Variants in PGCKA1 observed in about 807,000 individuals in gnomAD.
PGCKA1 encodes PDCD10 and GCKIII kinases-associated protein 1.
the PGCKA1 span, among the ~76,000 whole-genome samples, chr4:37,555,048 T>C: frequency 6.6e-6 from 1 of 152,214 alleles, no homozygotes; most frequent in Non-Finnish European, 1.5e-5. Context: ...TCTCATCTTT[T>C]AGATCCCAGT....
At chr4:37,593,332 A>G in the PGCKA1 span, among the ~76,000 whole-genome samples, 1 of 151,298 alleles carries the variant, frequency 6.6e-6, no homozygotes, top group East Asian at 1.9e-4. Context: ...TGGCCCGTGT[A>G]TCAATGACCC....
chr4:37,510,551 C>G, the PGCKA1 span, among the ~76,000 whole-genome samples: 1 of 152,076 alleles, frequency 6.6e-6, no homozygotes, highest in Non-Finnish European at 1.5e-5. Flanking sequence ...TACTTTCTCC[C>G]AAACAAATGG....
chr4:37,545,790 C>T, the PGCKA1 span, among the ~76,000 whole-genome samples: 1 of 152,226 alleles, frequency 6.6e-6, no homozygotes, highest in African/African-American at 2.4e-5. Flanking sequence ...CTCCTGCCAA[C>T]TGTCTCATTT....
At chr4:37,557,316 A>G in the PGCKA1 span, among the ~76,000 whole-genome samples, 4 of 152,216 alleles carry the variant, frequency 2.6e-5, no homozygotes, top group African/African-American at 9.7e-5. Context: ...CCATCAGAGA[A>G]GAGGCACATT....
At chr4:37,502,426 T>G in the PGCKA1 span, among the ~76,000 whole-genome samples, 1 of 152,088 alleles carries the variant, frequency 6.6e-6, no homozygotes, top group Non-Finnish European at 1.5e-5. Context: ...TGCAGGTCTG[T>G]GTGTGCCCTC....
the PGCKA1 span, among the ~76,000 whole-genome samples, chr4:37,511,775 T>C: frequency 6.6e-6 from 1 of 152,134 alleles, no homozygotes; most frequent in East Asian, 1.9e-4. Context: ...ACTAGTTGGG[T>C]AGGGTACTGG....
the PGCKA1 span, among the ~76,000 whole-genome samples, chr4:37,583,677 TA>T: frequency 6.6e-6 from 1 of 152,116 alleles, no homozygotes; most frequent in South Asian, 2.1e-4. Context: ...GACCTCGTGA[TA>T]GCCTGGCCTT....
At chr4:37,572,257 G>T in the PGCKA1 span, among the ~76,000 whole-genome samples, 1 of 150,932 alleles carries the variant, frequency 6.6e-6, no homozygotes, top group African/African-American at 2.4e-5. Context: ...TAGTAGAGAT[G>T]GGGTTTCACC....
At chr4:37,565,294 CA>C in the PGCKA1 span, among the ~76,000 whole-genome samples, 1 of 152,178 alleles carries the variant, frequency 6.6e-6, no homozygotes, top group South Asian at 2.1e-4. Context: ...CTTCTCCCCC[CA>C]AAACCTTCGC....
chr4:37,485,758 A>C, the PGCKA1 span, among the ~76,000 whole-genome samples: 18 of 152,154 alleles, frequency 1.2e-4, no homozygotes, highest in Non-Finnish European at 2.5e-4. Context: ...AATGGTCAAA[A>C]GATGTTTAGT....
chr4:37,590,844 C>G, the PGCKA1 span: 1 of 1,614,192 alleles, frequency 6.2e-7, no homozygotes, highest in Non-Finnish European at 8.5e-7. Flanking sequence ...CTGTTCATGC[C>G]ATGCCTGTGG....
At chr4:37,535,881 C>T in the PGCKA1 span, among the ~76,000 whole-genome samples, 1 of 152,114 alleles carries the variant, frequency 6.6e-6, no homozygotes, top group African/African-American at 2.4e-5. Flanking sequence ...TTGGCTCTAC[C>T]AGTTGCTAGC....
At chr4:37,532,051 A>G in the PGCKA1 span, among the ~76,000 whole-genome samples, 1 of 152,114 alleles carries the variant, frequency 6.6e-6, no homozygotes, top group Non-Finnish European at 1.5e-5. Flanking sequence ...ATCCTTTCCA[A>G]CTTTATGTTC....
the PGCKA1 span, among the ~76,000 whole-genome samples, chr4:37,546,916 A>T: frequency 1.3e-5 from 2 of 152,240 alleles, no homozygotes; most frequent in Non-Finnish European, 2.9e-5. Flanking sequence ...GGACATCTGA[A>T]ACTAGGTAAG....
At chr4:37,564,103 T>C in the PGCKA1 span, among the ~76,000 whole-genome samples, 1 of 151,684 alleles carries the variant, frequency 6.6e-6, no homozygotes, top group African/African-American at 2.4e-5. Flanking sequence ...TGAAACCCTG[T>C]CTCTACTAAA....
chr4:37,463,665 G>A, the PGCKA1 span, among the ~76,000 whole-genome samples: 21 of 152,260 alleles, frequency 1.4e-4, no homozygotes, highest in Admixed American at 8.5e-4. Flanking sequence ...GCGCTGGGGA[G>A]GTGAGCCTGA....
At chr4:37,557,843 C>T in the PGCKA1 span, among the ~76,000 whole-genome samples, 1 of 152,202 alleles carries the variant, frequency 6.6e-6, no homozygotes, top group Non-Finnish European at 1.5e-5. Flanking sequence ...CTGCAAACCC[C>T]AGCCTGATAA....
the PGCKA1 span, among the ~76,000 whole-genome samples, chr4:37,505,865 GTTC>G: frequency 3.3e-5 from 5 of 152,320 alleles, no homozygotes; most frequent in African/African-American, 1.2e-4. Flanking sequence ...ATTGTTATTA[GTTC>G]TTCTTTAAAT....
chr4:37,516,983 G>A, the PGCKA1 span, among the ~76,000 whole-genome samples: 7 of 152,074 alleles, frequency 4.6e-5, no homozygotes, highest in Non-Finnish European at 7.4e-5. Context: ...TAGGCCAGGC[G>A]CTGTGGCTCA....
Sources: gnomAD v4.1 joint callset for allele counts (sites outside exome capture counted in the v4.1 genomes callset) on GRCh38, gnomAD v4.1.1 for gene constraint, MANE v1.5 for transcripts, NCBI Gene and HGNC (gene_info 2026-07-23, HGNC 2026-07-21) for gene names.